Variants in RERE observed in about 807,000 individuals in gnomAD.
The protein encoded by RERE is arginine-glutamic acid dipeptide repeats protein.
Under a neutral mutation model 146.1 loss-of-function variants are expected in RERE, and 40 were observed. The ratio of observed to expected loss-of-function variants is 0.27; its 90% CI spans 0.21 to 0.36. The LOEUF is 0.36. Among genes scored for constraint, RERE ranks in the 10% least tolerant of loss-of-function variants. The pLI, the probability that RERE is intolerant of heterozygous loss-of-function variation, is 1.00. For missense variants in RERE, 1,933 were observed against 2,138.7 expected, an observed-to-expected ratio of 0.90 and a Z score of 1.90; for synonymous variants, 1,003 against 866.0, an observed-to-expected ratio of 1.16 and a Z score of -2.78.
chr1:8,808,980 T>C (rs1341168454), intron 1 of RERE, among the ~76,000 whole-genome samples: 1 of 151,498 alleles, frequency 6.6e-6, no homozygotes, highest in Non-Finnish European at 1.5e-5. Context: ...CACTAAAAAA[T>C]ACAAAAAATT....
At chr1:8,357,545 A>C (rs1014468883) in intron 20 of RERE, among the ~76,000 whole-genome samples, 1 of 152,192 alleles carries the variant, frequency 6.6e-6, no homozygotes, top group Non-Finnish European at 1.5e-5. Context: ...GAGCAGGTGA[A>C]CCTGCCTCCT....
intron 1 of RERE, among the ~76,000 whole-genome samples, chr1:8,806,357 C>T (rs1446375065): frequency 6.6e-6 from 1 of 151,930 alleles, no homozygotes; most frequent in Admixed American, 6.6e-5. Context: ...CATGGCAAAA[C>T]CCATCTCTAC....
chr1:8,729,533 A>G (rs1557507831), intron 1 of RERE, among the ~76,000 whole-genome samples: 1 of 151,924 alleles, frequency 6.6e-6, no homozygotes, highest in Admixed American at 6.6e-5. Flanking sequence ...TTATTTTTTT[A>G]TGTGTATTTT....
chr1:8,690,428 T>G (rs759498647), intron 1 of RERE, among the ~76,000 whole-genome samples: 1 of 152,194 alleles, frequency 6.6e-6, no homozygotes, highest in Non-Finnish European at 1.5e-5. Flanking sequence ...ACATAGGAAT[T>G]TTGAGGCAAT....
chr1:8,669,694 G>T (rs890672095), intron 1 of RERE, among the ~76,000 whole-genome samples: 3 of 152,094 alleles, frequency 2.0e-5, no homozygotes, highest in African/African-American at 7.2e-5. Context: ...TTGGACCACG[G>T]TAATCTTTAA....
At chr1:8,679,659 G>A (rs574466453) in intron 1 of RERE, among the ~76,000 whole-genome samples, 42 of 152,272 alleles carry the variant, frequency 2.8e-4, no homozygotes, top group African/African-American at 9.1e-4. Context: ...ATGTGGGTAG[G>A]CAGAAGGCTG....
At chr1:8,563,257 C>G (rs1482138900) in intron 4 of RERE, among the ~76,000 whole-genome samples, 1 of 152,142 alleles carries the variant, frequency 6.6e-6, no homozygotes, top group Non-Finnish European at 1.5e-5. Flanking sequence ...ATATCAGCCT[C>G]AGGGCAATGT....
chr1:8,388,294 G>A lies in RERE; in HGVS notation c.1285-22320C>T, dbSNP rs142095618. On this transcript the variant is annotated intron_variant, in intron 12 of 22. Coordinates refer to ENST00000400908, the MANE Select transcript of RERE (RefSeq NM_001042681.2). ...CGTGGAAAGGACAGGGGATTGCACC[G>A]GAGAGGAAACAGTCTGTGCAATCTT... is the stretch of plus-strand genomic sequence containing the variant. 8.4e-3 allele frequency among the ~76,000 whole-genome samples: 1,279 copies of A among 151,564 alleles called. 15 individuals are homozygous for A. Among genetic ancestry groups the A allele is most frequent in the African/African-American group, 0.03 (1,218 of 41,280 alleles).
intron 1 of RERE, among the ~76,000 whole-genome samples, chr1:8,766,720 T>C (rs976392790): frequency 2.6e-5 from 4 of 151,946 alleles, no homozygotes; most frequent in Admixed American, 6.6e-5. Flanking sequence ...ACTTAGAAAA[T>C]TGAGTAGCAT....
intron 1 of RERE, among the ~76,000 whole-genome samples, chr1:8,678,362 G>A (rs887007039): frequency 6.6e-6 from 1 of 151,902 alleles, no homozygotes; most frequent in Non-Finnish European, 1.5e-5. Context: ...ATTAAATTAT[G>A]GGGCCAGACA....
At chr1:8,532,602 AT>A (rs534220881) in intron 7 of RERE, among the ~76,000 whole-genome samples, 5 of 149,608 alleles carry the variant, frequency 3.3e-5, no homozygotes, top group African/African-American at 7.4e-5. Context: ...ATTATTTTTA[AT>A]TTTTTTTTGA....
At position 8,364,205 on chromosome 1, in the gene RERE, C is replaced by T. The variant is rs765652960; in HGVS notation, c.1591G>A (p.Asp531Asn). 31 of 1,614,056 alleles carry T rather than the reference C, an allele frequency of 1.9e-5. No individual in the cohort carries two copies. The highest frequency in any genetic ancestry group is 4.5e-5 in the East Asian group (2 of 44,890). The part of the protein sequence containing the change: ...GGRENILLCT[D>N]CRIHFKKYGE... The stretch of plus-strand genomic sequence containing the variant: ...TATTTCTTGAAGTGGATGCGACAGT[C>T]GGTGCAAAGCAGGATGTTCTCCCGG... Residue 531 changes from aspartate (D) to asparagine (N), a missense_variant, in exon 15 of 23, where the codon GAC becomes AAC. Asp to Asn is a conservative substitution (Grantham distance 23). Transcript: ENST00000400908. This position sits in a 1 kb window ranked among gnomAD's most constrained non-coding sequence, Gnocchi z 5.1.
At chr1:8,667,253 T>A (rs978407189) in intron 1 of RERE, among the ~76,000 whole-genome samples, 3 of 152,148 alleles carry the variant, frequency 2.0e-5, no homozygotes, top group Admixed American at 6.5e-5. Flanking sequence ...AAGGCTACAA[T>A]TAACAACCCA....
intron 1 of RERE, among the ~76,000 whole-genome samples, chr1:8,741,853 T>A (rs764851677): frequency 5.9e-5 from 9 of 152,218 alleles, no homozygotes; most frequent in Non-Finnish European, 1.0e-4. Context: ...GATATGTTGA[T>A]CAGTGTACAT....
chr1:8,707,387 A>G (rs887658078), intron 1 of RERE, among the ~76,000 whole-genome samples: 18 of 152,206 alleles, frequency 1.2e-4, no homozygotes, highest in Non-Finnish European at 2.5e-4. Context: ...GACCCACATT[A>G]TTCCAGACCC....
chr1:8,549,271 T>A (rs1320479114), intron 6 of RERE, among the ~76,000 whole-genome samples: 1 of 152,080 alleles, frequency 6.6e-6, no homozygotes, highest in Non-Finnish European at 1.5e-5. Flanking sequence ...CCTGAGAACA[T>A]CTTGTGGAGC....
At chr1:8,448,485 G>A (rs150786006) in intron 11 of RERE, among the ~76,000 whole-genome samples, 1,983 of 152,260 alleles carry the variant, frequency 0.013, 14 homozygotes, top group Middle Eastern at 0.017. Flanking sequence ...AAGGCCAGGC[G>A]CAGTGGCTCA....
intron 11 of RERE, among the ~76,000 whole-genome samples, chr1:8,441,378 GC>G (rs758755970): frequency 2.0e-5 from 3 of 152,018 alleles, no homozygotes; most frequent in African/African-American, 4.8e-5. Flanking sequence ...CCCCACCACT[GC>G]CCCCCTCTCA....
At chr1:8,456,392 C>G (rs1463472406) in intron 11 of RERE, among the ~76,000 whole-genome samples, 1 of 152,198 alleles carries the variant, frequency 6.6e-6, no homozygotes, top group Non-Finnish European at 1.5e-5. Context: ...GCTCCTCTCA[C>G]AAATGCTGAA....
Sources: gnomAD v4.1 joint callset for allele counts (sites outside exome capture counted in the v4.1 genomes callset) on GRCh38, gnomAD v4.1.1 for gene constraint, Gnocchi (gnomAD v3.1) non-coding constraint, MANE v1.5 for transcripts, NCBI Gene and HGNC (gene_info 2026-07-23, HGNC 2026-07-21) for gene names.